CCSER1: variants seen among roughly 807,000 people sequenced by gnomAD.
The protein encoded by CCSER1 is serine-rich coiled-coil domain-containing protein 1.
In CCSER1, 41 loss-of-function variants were observed where a neutral mutation model predicts 82.0. The observed-to-expected ratio is 0.50, with a 90% confidence interval of 0.39 to 0.65. The LOEUF (loss-of-function observed/expected upper bound fraction) is 0.65, where lower values mean the gene tolerates loss of function less well. Ranked by LOEUF, CCSER1 falls within the 30% of genes least tolerant of loss-of-function variation. The pLI is 0.00. For missense variants in CCSER1, 1,119 were observed against 1,064.2 expected (o/e 1.05, Z -0.72); for synonymous variants, 414 against 383.9 (o/e 1.08, Z -0.92).
chr4:91,431,294 T>G (rs754150081), intron 10 of CCSER1, among the ~76,000 whole-genome samples: 4 of 152,154 alleles, frequency 2.6e-5, no homozygotes, highest in Non-Finnish European at 4.4e-5. Flanking sequence ...AGCTAATACA[T>G]TCACAGAGCT....
intron 10 of CCSER1, among the ~76,000 whole-genome samples, chr4:91,428,306 T>C (rs140753687): frequency 3.3e-4 from 50 of 152,212 alleles, no homozygotes; most frequent in African/African-American, 9.4e-4. Context: ...TATATTTCTG[T>C]AATGAAATTG....
intron 1 of CCSER1, among the ~76,000 whole-genome samples, chr4:90,298,277 A>T (rs28756428): frequency 6.6e-6 from 1 of 151,772 alleles, no homozygotes; most frequent in African/African-American, 2.4e-5. Context: ...TAGTTTATTT[A>T]TGTAGGGGTG....
chr4:91,593,994 T>C (rs561074650), intron 10 of CCSER1, among the ~76,000 whole-genome samples: 1 of 152,180 alleles, frequency 6.6e-6, no homozygotes, highest in Non-Finnish European at 1.5e-5. Flanking sequence ...CTTATTATAA[T>C]GTGCACAGTC....
chr4:91,455,539 C>T (rs1464557994), intron 10 of CCSER1, among the ~76,000 whole-genome samples: 6 of 151,956 alleles, frequency 3.9e-5, no homozygotes, highest in African/African-American at 1.2e-4. Flanking sequence ...TCATTAGACA[C>T]CGTATATACT....
intron 10 of CCSER1, among the ~76,000 whole-genome samples, chr4:91,480,596 T>C (rs913521911): frequency 1.3e-5 from 2 of 152,236 alleles, no homozygotes; most frequent in African/African-American, 4.8e-5. Flanking sequence ...AAATGTTTCA[T>C]GTTTATGCAC....
intron 8 of CCSER1, among the ~76,000 whole-genome samples, chr4:90,895,727 A>T (rs1394472170): frequency 6.6e-6 from 1 of 151,924 alleles, no homozygotes. Context: ...AGCTTATCAG[A>T]ATCTTTGAAC....
At chr4:90,383,077 A>G (rs1749468063) in intron 3 of CCSER1, among the ~76,000 whole-genome samples, 1 of 152,186 alleles carries the variant, frequency 6.6e-6, no homozygotes, top group Non-Finnish European at 1.5e-5. Flanking sequence ...TAAGAATAAT[A>G]TGAGATCACA....
chr4:90,322,076 G>T (rs1046144067), intron 3 of CCSER1, among the ~76,000 whole-genome samples: 2 of 152,064 alleles, frequency 1.3e-5, no homozygotes, highest in Admixed American at 6.5e-5. Context: ...GTCTTGGAGA[G>T]TTTCCCTAAT....
chr4:91,413,898 G>T (rs1200704814), intron 10 of CCSER1, among the ~76,000 whole-genome samples: 1 of 151,928 alleles, frequency 6.6e-6, no homozygotes, highest in East Asian at 1.9e-4. Flanking sequence ...TATTAAAATT[G>T]CTGAAAGAAA....
chr4:90,988,671 T>G (rs566967956), intron 9 of CCSER1, among the ~76,000 whole-genome samples: 2 of 151,866 alleles, frequency 1.3e-5, no homozygotes, highest in African/African-American at 2.4e-5. Flanking sequence ...AAACTATAAA[T>G]ACTTATAATG....
intron 10 of CCSER1, among the ~76,000 whole-genome samples, chr4:91,509,218 T>C (rs1271642183): frequency 6.6e-6 from 1 of 151,978 alleles, no homozygotes; most frequent in Non-Finnish European, 1.5e-5. Flanking sequence ...CTCTTTAGGA[T>C]AGACATTTAC....
intron 1 of CCSER1, among the ~76,000 whole-genome samples, chr4:90,307,650 T>TA (rs911892223): frequency 4.5e-4 from 65 of 144,050 alleles, no homozygotes; most frequent in Non-Finnish European, 3.2e-4. Context: ...AAGCATAATT[T>TA]AAAAAAAAAA....
At chr4:91,507,031 C>G (rs948347186) in intron 10 of CCSER1, among the ~76,000 whole-genome samples, 1 of 152,126 alleles carries the variant, frequency 6.6e-6, no homozygotes, top group Non-Finnish European at 1.5e-5. Flanking sequence ...TATCATTACT[C>G]AGTTGATGAA....
At chr4:90,464,816 A>G (rs1488624829) in intron 4 of CCSER1, among the ~76,000 whole-genome samples, 2 of 152,256 alleles carry the variant, frequency 1.3e-5, no homozygotes, top group East Asian at 1.9e-4. Context: ...CTGCTGTTCC[A>G]TAATTAACCT....
chr4:90,812,903 C>T (rs544218988), intron 7 of CCSER1, among the ~76,000 whole-genome samples: 3 of 152,160 alleles, frequency 2.0e-5, no homozygotes, highest in Admixed American at 1.3e-4. Flanking sequence ...CACCTCCCAC[C>T]AGGTCTCTCC....
At chr4:91,225,849 G>A (rs372051252) in intron 10 of CCSER1, among the ~76,000 whole-genome samples, 85 of 151,886 alleles carry the variant, frequency 5.6e-4, no homozygotes, top group African/African-American at 2.0e-3. Flanking sequence ...AATGGGTTAG[G>A]AGCAGAGGTG....
At chr4:90,956,151 G>A (rs1005841874) in intron 9 of CCSER1, among the ~76,000 whole-genome samples, 13 of 151,966 alleles carry the variant, frequency 8.6e-5, no homozygotes, top group South Asian at 2.1e-4. Context: ...AAATAAAAAC[G>A]TGTATTGATA....
intron 5 of CCSER1, among the ~76,000 whole-genome samples, chr4:90,599,100 C>T (rs1013255285): frequency 3.9e-5 from 6 of 152,056 alleles, no homozygotes; most frequent in African/African-American, 9.7e-5. Context: ...AGGCAATTCC[C>T]TAAGCTGTGC....
intron 10 of CCSER1, among the ~76,000 whole-genome samples, chr4:91,394,240 G>T (rs1371856191): frequency 1.3e-5 from 2 of 151,988 alleles, no homozygotes; most frequent in Admixed American, 1.3e-4. Flanking sequence ...AATTGAAAAG[G>T]TAGTAAAAAA....
Sources: allele counts gnomAD v4.1 joint callset (sites outside exome capture counted in the v4.1 genomes callset), GRCh38; gene constraint gnomAD v4.1.1; transcripts MANE v1.5; gene names NCBI Gene and HGNC (gene_info 2026-07-23, HGNC 2026-07-21).